The following TLN2 variants were observed in gnomAD, a reference collection of about 807,000 sequenced individuals.
TLN2 encodes talin-2.
TLN2 carries 118 observed loss-of-function variants against 294.7 expected under a neutral mutation model. That is an observed-to-expected ratio of 0.40 (90% CI 0.34 to 0.47). The LOEUF is 0.47. TLN2 is among the 20% of genes least tolerant of loss of function. TLN2 has a pLI of 0.84. For synonymous variants in TLN2, 1,431 were observed against 1,304.5 expected (o/e 1.10, Z -2.09); for missense variants, 3,083 against 3,282.2 (o/e 0.94, Z 1.48).
At chr15:62,790,528 A>G (rs1474390941) in intron 45 of TLN2, among the ~76,000 whole-genome samples, 1 of 152,206 alleles carries the variant, frequency 6.6e-6, no homozygotes, top group Non-Finnish European at 1.5e-5. Context: ...TGAACTGGTA[A>G]GATCTTTTTT....
intron 2 of TLN2, among the ~76,000 whole-genome samples, chr15:62,598,298 G>A (rs1286840806): frequency 1.3e-5 from 2 of 152,134 alleles, no homozygotes; most frequent in Admixed American, 6.5e-5. Context: ...TGTTTTATAG[G>A]TGGGAAAAGA....
At chr15:62,563,790 T>C (rs886512531) in intron 1 of TLN2, among the ~76,000 whole-genome samples, 1 of 152,198 alleles carries the variant, frequency 6.6e-6, no homozygotes, top group Non-Finnish European at 1.5e-5. Context: ...TGGCTTCCTC[T>C]GGGAAGCCTT....
intron 28 of TLN2, among the ~76,000 whole-genome samples, 154 bp from the exon 29 acceptor site, chr15:62,736,724 G>A (rs1267478777): frequency 6.6e-6 from 1 of 152,190 alleles, no homozygotes; most frequent in Non-Finnish European, 1.5e-5. Context: ...TCTGAAGCCA[G>A]CTACTTCTTT....
At chr15:62,651,459 G>T (rs2140943983) in intron 5 of TLN2, among the ~76,000 whole-genome samples, 1 of 152,160 alleles carries the variant, frequency 6.6e-6, no homozygotes, top group African/African-American at 2.4e-5. Context: ...AAAATTATTG[G>T]GAAAATAATT....
intron 1 of TLN2, among the ~76,000 whole-genome samples, chr15:62,576,015 AAT>A (rs1254169026): frequency 2.0e-5 from 3 of 152,322 alleles, no homozygotes; most frequent in African/African-American, 7.2e-5. Flanking sequence ...TTAAAATAGC[AAT>A]AGAGTGTTTT....
intron 2 of TLN2, among the ~76,000 whole-genome samples, chr15:62,617,813 C>G (rs767728323): frequency 6.6e-6 from 1 of 152,176 alleles, no homozygotes; most frequent in Non-Finnish European, 1.5e-5. Context: ...TTTTCACCTT[C>G]TGATATTTAG....
At chr15:62,586,056 G>A (rs1209066727) in intron 1 of TLN2, among the ~76,000 whole-genome samples, 1 of 152,224 alleles carries the variant, frequency 6.6e-6, no homozygotes, top group Non-Finnish European at 1.5e-5. Context: ...CGGATGACTA[G>A]TAAATGATCC....
At chr15:62,497,980 G>A (rs2039096996) in intron 1 of TLN2, among the ~76,000 whole-genome samples, 1 of 151,802 alleles carries the variant, frequency 6.6e-6, no homozygotes, top group African/African-American at 2.4e-5. Flanking sequence ...AGGTGTGGTG[G>A]CTCACACCTG....
intron 1 of TLN2, among the ~76,000 whole-genome samples, chr15:62,514,068 G>T (rs1450287101): frequency 6.6e-6 from 1 of 152,230 alleles, no homozygotes; most frequent in African/African-American, 2.4e-5. Context: ...CAACTTTCTA[G>T]TTTTTGCATA....
At chr15:62,674,143 A>G (rs1216690071) in intron 10 of TLN2, among the ~76,000 whole-genome samples, 1 of 152,238 alleles carries the variant, frequency 6.6e-6, no homozygotes, top group African/African-American at 2.4e-5. Context: ...CAAAGGCATT[A>G]TCTTGGTAAC....
intron 1 of TLN2, among the ~76,000 whole-genome samples, chr15:62,440,818 A>G (rs907076680): frequency 6.6e-6 from 1 of 152,148 alleles, no homozygotes. Context: ...GGCAGTTTCA[A>G]CCATTTTTTA....
At chr15:62,663,294 C>G (rs900845811) in intron 9 of TLN2, among the ~76,000 whole-genome samples, 33 of 152,092 alleles carry the variant, frequency 2.2e-4, no homozygotes, top group Admixed American at 5.9e-4. Flanking sequence ...AGAAAAACTT[C>G]ATGGCATGCC....
At chr15:62,616,502 C>T (rs958324288) in intron 2 of TLN2, among the ~76,000 whole-genome samples, 5 of 152,160 alleles carry the variant, frequency 3.3e-5, no homozygotes, top group African/African-American at 7.2e-5. Context: ...GATCATGAAT[C>T]GCTGCAGCCT....
chr15:62,606,114 C>A (rs1392252639), intron 2 of TLN2, among the ~76,000 whole-genome samples: 2 of 152,168 alleles, frequency 1.3e-5, no homozygotes, highest in Non-Finnish European at 2.9e-5. Flanking sequence ...CGGAGTCTCA[C>A]TCTGTCGCCC....
intron 1 of TLN2, among the ~76,000 whole-genome samples, chr15:62,450,535 ATGTATGTATGTATGTGTGTGTG>A (rs1314008518): frequency 7.0e-4 from 40 of 57,310 alleles, no homozygotes; most frequent in East Asian, 3.6e-3. Flanking sequence ...GTATGTATGT[ATGTATGTATGTATGTGTGTGTG>A]TGTGTGTGTG....
At chr15:62,461,237 T>G (rs899680542) in intron 1 of TLN2, among the ~76,000 whole-genome samples, 5 of 152,168 alleles carry the variant, frequency 3.3e-5, no homozygotes, top group African/African-American at 4.8e-5. Context: ...AGCCACCGCG[T>G]CTGGCCAGTT....
chr15:62,584,333 G>A (rs1456125374), intron 1 of TLN2, among the ~76,000 whole-genome samples: 1 of 152,158 alleles, frequency 6.6e-6, no homozygotes, highest in Non-Finnish European at 1.5e-5. Context: ...TTTTTTGCAT[G>A]TAACACTTTT....
chr15:62,736,327 A>AG (rs1567491045), intron 28 of TLN2, among the ~76,000 whole-genome samples: 4 of 151,786 alleles, frequency 2.6e-5, no homozygotes, highest in Non-Finnish European at 5.9e-5. Context: ...AAAAAAAAAA[A>AG]AAAACAGTAA....
rs775333087 is a variant in TLN2, at chr15:62,694,401, T to C, written c.1292+9T>C. ...TCCGTTTCCCCAAAAAAGTAAGTATTATGAAGAGTACTAGAGGACCACCTT... is the reference window on the plus strand; with the variant it reads ...TCCGTTTCCCCAAAAAAGTAAGTATCATGAAGAGTACTAGAGGACCACCTT... On this transcript the variant is annotated intron_variant, in intron 14 of 58. Transcript: ENST00000636159. 1.9e-6 allele frequency: 3 copies of C among 1,613,018 alleles called. No individual in the cohort carries two copies. The highest frequency in any genetic ancestry group is 1.7e-6 in the Non-Finnish European group (2 of 1,179,166).
Sources: gnomAD v4.1 joint callset for allele counts (sites outside exome capture counted in the v4.1 genomes callset) on GRCh38, gnomAD v4.1.1 for gene constraint, MANE v1.5 for transcripts, NCBI Gene and HGNC (gene_info 2026-07-23, HGNC 2026-07-21) for gene names.